Variants in ITSN1 observed in about 807,000 individuals in gnomAD.
ITSN1 encodes intersectin-1.
In ITSN1, 58 loss-of-function variants were observed where a neutral mutation model predicts 239.8. The observed-to-expected ratio is 0.24, with a 90% CI of 0.20 to 0.30. The LOEUF is 0.30. Among genes scored for constraint, ITSN1 ranks in the 10% least tolerant of loss-of-function variants. The pLI, the probability that ITSN1 is intolerant of heterozygous loss-of-function variation, is 1.00. For missense variants in ITSN1, 1,558 were observed against 2,103.3 expected, an observed-to-expected ratio of 0.74 and a Z score of 5.07; for synonymous variants, 780 against 770.8, an observed-to-expected ratio of 1.01 and a Z score of -0.20.
intron 29 of ITSN1, chr21:33,838,048 T>C (rs946386050): frequency 1.0e-6 from 1 of 985,872 alleles, no homozygotes; most frequent in Non-Finnish European, 1.2e-6. Flanking sequence ...TTTACATTTT[T>C]TAACTAGACT....
chr21:33,842,067 A>AT lies in ITSN1; in HGVS notation c.3661+5442dup, dbSNP rs1360058831. Among the ~76,000 whole-genome samples the AT allele has an allele frequency of 4.6e-5, 7 of 151,790 alleles. No individual in the cohort carries two copies. The East Asian group carries it at 1.2e-3, about 25-fold the overall frequency. On this transcript the variant is annotated intron_variant, in intron 29 of 39. Transcript: ENST00000381318. ...AGGTGCCCGCCACCATGCCTCGCTAATTTTTTTGTACTAGAGATGGGGTTT... is the reference window on the plus strand; with the variant it reads ...AGGTGCCCGCCACCATGCCTCGCTAATTTTTTTTGTACTAGAGATGGGGTTT...
chr21:33,650,079 C>T (rs1199527137), intron 1 of ITSN1, among the ~76,000 whole-genome samples: 1 of 150,976 alleles, frequency 6.6e-6, no homozygotes, highest in Non-Finnish European at 1.5e-5. Flanking sequence ...CATAGCAACA[C>T]AGCAAGTGGT....
At chr21:33,883,801 A>T in intron 36 of ITSN1, 130 bp downstream of exon 36, 4 of 964,988 alleles carry the variant, frequency 4.1e-6, no homozygotes, top group African/African-American at 1.7e-5. Flanking sequence ...GGGAGTGGGG[A>T]TGGGGCTATT....
At position 33,882,982 on chromosome 21, in the gene ITSN1, C is replaced by A. The variant is rs901778313; in HGVS notation, c.4554+527C>A. ...GCTGTGTTTGTGTGTCTTTGTGTCA[C>A]GGGACGTTGTTTTTCTAAATTTGTC... On this transcript the variant is annotated intron_variant, in intron 35 of 39. Transcript: ENST00000381318. This position sits in a 1 kb window ranked among gnomAD's most constrained non-coding sequence, Gnocchi z 4.5. Among the ~76,000 whole-genome samples the A allele has an allele frequency of 2.6e-5, 4 of 152,096 alleles. No homozygotes were observed. The highest frequency in any genetic ancestry group is 5.9e-5 in the Non-Finnish European group (4 of 68,032).
intron 33 of ITSN1, among the ~76,000 whole-genome samples, chr21:33,872,463 G>A (rs1359635752): frequency 1.3e-5 from 2 of 152,216 alleles, no homozygotes; most frequent in Non-Finnish European, 2.9e-5. Context: ...ATAAAGCAAT[G>A]TATGAAATAG....
chr21:33,775,889 T>C (rs1038106676), intron 14 of ITSN1, among the ~76,000 whole-genome samples: 1 of 152,236 alleles, frequency 6.6e-6, no homozygotes, highest in African/African-American at 2.4e-5. Context: ...AAAGTTGTTA[T>C]AATATCACCT....
intron 34 of ITSN1, 118 bp downstream of exon 34, chr21:33,875,639 C>A: frequency 1.1e-6 from 1 of 872,430 alleles, no homozygotes; most frequent in Non-Finnish European, 1.7e-6. Flanking sequence ...ATCCTCATTT[C>A]CATCCAGCTG....
intron 5 of ITSN1, among the ~76,000 whole-genome samples, chr21:33,736,165 G>A (rs1168902166): frequency 6.6e-6 from 1 of 152,176 alleles, no homozygotes; most frequent in Non-Finnish European, 1.5e-5. Context: ...TTCATGGGGA[G>A]GTTCTTTAAC....
intron 29 of ITSN1, among the ~76,000 whole-genome samples, chr21:33,848,854 G>A (rs1318701589): frequency 6.6e-6 from 1 of 152,086 alleles, no homozygotes; most frequent in Non-Finnish European, 1.5e-5. Context: ...CCTCACCACC[G>A]ATATTAGCCT....
intron 31 of ITSN1, among the ~76,000 whole-genome samples, 168 bp downstream of exon 31, chr21:33,858,960 G>C (rs1888449): frequency 6.6e-6 from 1 of 150,974 alleles, no homozygotes. Flanking sequence ...TTGTGCCTTC[G>C]TGCTTTCTGG....
intron 1 of ITSN1, chr21:33,643,472 C>G (rs1601382629): frequency 6.6e-6 from 1 of 152,182 alleles, no homozygotes; most frequent in Admixed American, 6.5e-5. Context: ...GAGGAATCGG[C>G]CGCACCTTCC....
intron 5 of ITSN1, among the ~76,000 whole-genome samples, chr21:33,746,092 C>T (rs1264709622): frequency 3.3e-5 from 5 of 152,084 alleles, no homozygotes; most frequent in Admixed American, 3.3e-4. Flanking sequence ...CCGTAAAAAG[C>T]CAGGCTTAAA....
chr21:33,897,428 G>A lies in ITSN1; in HGVS notation c.*9128G>A, dbSNP rs994515161. 3 of 152,214 alleles carry A rather than the reference G, an allele frequency of 2.0e-5. No individual in the cohort carries two copies. The highest frequency in any genetic ancestry group is 2.9e-5 in the Non-Finnish European group (2 of 68,042). 9.4% of individuals were successfully genotyped at this position (152,214 alleles called of 1,614,324 possible). A position where few individuals can be genotyped will look rare whatever the true frequency, so the allele number is the denominator to read the frequency against. The stretch of plus-strand genomic sequence containing the variant: ...TATGTGTAAATACATGTGTACAGAT[G>A]AGAAACTGCAACAAAAATGTCCTGT... On this transcript the variant is annotated 3_prime_UTR_variant, in exon 40 of 40. Transcript: ENST00000381318.
intron 1 of ITSN1, among the ~76,000 whole-genome samples, chr21:33,713,507 G>C (rs1459833684): frequency 1.1e-5 from 1 of 89,564 alleles, no homozygotes; most frequent in Non-Finnish European, 2.1e-5. Flanking sequence ...CTCCCAGAGT[G>C]CTGGGATTAC....
intron 5 of ITSN1, among the ~76,000 whole-genome samples, chr21:33,740,228 T>C (rs1469977377): frequency 6.6e-6 from 1 of 152,144 alleles, no homozygotes; most frequent in Non-Finnish European, 1.5e-5. Flanking sequence ...GAGACAGGGA[T>C]GACTACGTTT....
rs1986809109 is a variant in ITSN1, at chr21:33,896,801, G to C, written c.*8501G>C. The C allele has an allele frequency of 6.6e-6, 1 of 152,210 alleles. No homozygotes were observed. The highest frequency in any genetic ancestry group is 1.5e-5 in the Non-Finnish European group (1 of 68,042). 9.4% of individuals were successfully genotyped at this position (152,210 alleles called of 1,614,324 possible). A position where few individuals can be genotyped will look rare whatever the true frequency, so the allele number is the denominator to read the frequency against. ...TTGCAGTTCCATTTGCTTTTTGCAA[G>C]TAGGTCCCCATCTCCATATACATTG... On this transcript the variant is annotated 3_prime_UTR_variant, in exon 40 of 40. Transcript: ENST00000381318.
chr21:33,865,123 G>A lies in ITSN1; in HGVS notation c.3891-28G>A. ...GTGCTGTCAGATAGCGTGAAAGCAG[G>A]GGGCTCACCTCCCGTGTTTCCGTGC... On this transcript the variant is annotated intron_variant, in intron 31 of 39. Transcript: ENST00000381318. The surrounding 1 kb of genome is among the most constrained non-coding windows in gnomAD (Gnocchi z 4.4). The A allele has an allele frequency of 6.3e-7, 1 of 1,596,412 alleles. No homozygotes were observed. The highest frequency in any genetic ancestry group is 8.6e-7 in the Non-Finnish European group (1 of 1,169,438).
intron 29 of ITSN1, among the ~76,000 whole-genome samples, chr21:33,846,673 C>T (rs2074999922): frequency 6.6e-6 from 1 of 152,346 alleles, no homozygotes; most frequent in African/African-American, 2.4e-5. Flanking sequence ...TGCCCTTCTA[C>T]CTGCCTGTTG....
intron 26 of ITSN1, 156 bp from the exon 27 acceptor site, chr21:33,829,468 G>A (rs1373393858): frequency 2.7e-6 from 2 of 744,384 alleles, no homozygotes; most frequent in Non-Finnish European, 4.4e-6. Context: ...TCTGGGAACG[G>A]GCGATTCAGG....
Sources: allele counts gnomAD v4.1 joint callset (sites outside exome capture counted in the v4.1 genomes callset), GRCh38; gene constraint gnomAD v4.1.1; non-coding constraint Gnocchi (gnomAD v3.1); transcripts MANE v1.5; gene names NCBI Gene and HGNC (gene_info 2026-07-23, HGNC 2026-07-21).